The following DCAF17 variants were observed in gnomAD, a reference collection of about 807,000 sequenced individuals.
DCAF17 encodes the protein DDB1- and CUL4-associated factor 17.
In DCAF17, 48 loss-of-function variants were observed where a neutral mutation model predicts 66.0. The observed-to-expected ratio is 0.73, with a 90% CI of 0.58 to 0.92. The LOEUF (loss-of-function observed/expected upper bound fraction) is 0.92, where lower values mean the gene tolerates loss of function less well. Among genes scored for constraint, DCAF17 ranks in the 40% least tolerant of loss-of-function variants. The probability of loss-of-function intolerance (pLI) is 0.00; values close to 1 mark genes in which losing one functional copy is unlikely to be tolerated. For missense variants in DCAF17, 562 were observed against 622.8 expected, an observed-to-expected ratio of 0.90 and a Z score of 1.04; for synonymous variants, 206 against 214.6, an observed-to-expected ratio of 0.96 and a Z score of 0.35.
At chr2:171,480,435 T>C (rs1328408036) in intron 13 of DCAF17, among the ~76,000 whole-genome samples, 4 of 150,746 alleles carry the variant, frequency 2.7e-5, no homozygotes, top group Non-Finnish European at 5.9e-5. Context: ...AGACATGTTG[T>C]CTCTTTCCCT....
chr2:171,457,912 A>G (rs1266612244), intron 6 of DCAF17, 59 bp from the exon 7 acceptor site: 4 of 1,308,016 alleles, frequency 3.1e-6, no homozygotes, highest in South Asian at 2.4e-5. Context: ...CACTGTGAAC[A>G]TTCAGAGGAT....
In DCAF17 at chr2:171,463,224, TA is replaced by T. The variant is rs945893879; in HGVS notation, c.838+4763del. 1.2e-3 allele frequency among the ~76,000 whole-genome samples: 159 copies of T among 137,654 alleles called. 1 individual carries two copies. Among genetic ancestry groups the T allele is most frequent in the Admixed American group, 1.4e-3 (19 of 13,704 alleles). 90.3% of individuals were successfully genotyped at this position (137,654 alleles called of 152,430 possible). The stretch of plus-strand genomic sequence containing the variant: ...CAGCCTGGGCGATGGAGCGAGATTT[TA>T]AAAAAAAAAAAAAAACAGAAAGAAG... On this transcript the variant is annotated intron_variant, in intron 8 of 13. Coordinates refer to ENST00000375255, the MANE Select transcript of DCAF17 (RefSeq NM_025000.4).
chr2:171,447,941 G>A (rs932252184), intron 3 of DCAF17, among the ~76,000 whole-genome samples: 1 of 152,202 alleles, frequency 6.6e-6, no homozygotes, highest in African/African-American at 2.4e-5. Context: ...GGTGACATAG[G>A]TCATCTTTCA....
intron 4 of DCAF17, 35 bp from the exon 5 acceptor site, chr2:171,449,844 C>T (rs1194294422): frequency 1.3e-6 from 2 of 1,546,520 alleles, no homozygotes; most frequent in Admixed American, 1.7e-5. Context: ...GGAAACTGAC[C>T]CAAATAAATA....
At chr2:171,439,199 C>T (rs746225963) in intron 2 of DCAF17, among the ~76,000 whole-genome samples, 4 of 151,930 alleles carry the variant, frequency 2.6e-5, no homozygotes, top group Non-Finnish European at 4.4e-5. Flanking sequence ...AGATTTGGGG[C>T]TTGGTATCTG....
intron 5 of DCAF17, among the ~76,000 whole-genome samples, chr2:171,452,469 T>G (rs1695009476): frequency 6.6e-6 from 1 of 152,136 alleles, no homozygotes; most frequent in Non-Finnish European, 1.5e-5. Context: ...ATATATTTAT[T>G]TATTTAGAGA....
At chr2:171,472,360 G>T (rs1334181210) in intron 9 of DCAF17, among the ~76,000 whole-genome samples, 2 of 152,030 alleles carry the variant, frequency 1.3e-5, no homozygotes, top group Non-Finnish European at 2.9e-5. Context: ...TGTATTTTTA[G>T]TAGAAACAGG....
chr2:171,473,496 A>C (rs7606658), intron 9 of DCAF17, among the ~76,000 whole-genome samples: 32,972 of 152,056 alleles, frequency 0.22, 3,688 homozygotes, highest in South Asian at 0.29. Flanking sequence ...GATTTATTCT[A>C]TTTGTGTATC....
At chr2:171,446,506 A>T (rs950568372) in intron 3 of DCAF17, among the ~76,000 whole-genome samples, 12 of 152,094 alleles carry the variant, frequency 7.9e-5, no homozygotes, top group African/African-American at 2.2e-4. Flanking sequence ...AGATCATGCC[A>T]CTGCACTCCA....
chr2:171,483,760 G>A lies in DCAF17; in HGVS notation c.*2646G>A, dbSNP rs779786259. 4.4e-6 allele frequency: 2 copies of A among 454,024 alleles called. No homozygotes were observed. The highest frequency in any genetic ancestry group is 3.1e-5 in the South Asian group (2 of 64,474). 28.1% of individuals were successfully genotyped at this position (454,024 alleles called of 1,614,324 possible). On this transcript the variant is annotated 3_prime_UTR_variant, in exon 14 of 14. Coordinates refer to ENST00000375255, the MANE Select transcript of DCAF17 (RefSeq NM_025000.4). ...TATTCAGAATAACCACATGAAGTATGAACTGCCATTATCTTTCCCCTTTGT... is the reference window on the plus strand; with the variant it reads ...TATTCAGAATAACCACATGAAGTATAAACTGCCATTATCTTTCCCCTTTGT...
chr2:171,480,031 C>T lies in DCAF17; in HGVS notation c.1267-7C>T, dbSNP rs3731981. The stretch of plus-strand genomic sequence containing the variant: ...CTTTCCCTCTATTTTATCTATCTAT[C>T]CCAAAGACTTTCAAAATTGTGGACT... On this transcript the variant is annotated splice_region_variant and splice_polypyrimidine_tract_variant and intron_variant, in intron 12 of 13. Coordinates refer to ENST00000375255, the MANE Select transcript of DCAF17 (RefSeq NM_025000.4). 333,691 of 1,612,156 alleles carry T rather than the reference C, an allele frequency of 0.21. 36,121 individuals are homozygous for T. Among genetic ancestry groups the T allele is most frequent in the Admixed American group, 0.33 (19,718 of 59,938 alleles).
rs779206254 is a variant in DCAF17 at position 171,481,511 on chromosome 2, C to G, written c.*397C>G. 5 of 455,270 alleles carry G rather than the reference C, an allele frequency of 1.1e-5. 2 individuals carry two copies. The highest frequency in any genetic ancestry group is 7.8e-5 in the South Asian group (5 of 64,498). 28.2% of individuals were successfully genotyped at this position (455,270 alleles called of 1,614,324 possible). A position where few individuals can be genotyped will look rare whatever the true frequency, so the allele number is the denominator to read the frequency against. ...TAAGGCTAGGAAAGACAGGGAGAGA[C>G]AAAAGTAAACATGCAGAAAGAAATC... is the stretch of plus-strand genomic sequence containing the variant. On this transcript the variant is annotated 3_prime_UTR_variant, in exon 14 of 14. Coordinates refer to ENST00000375255, the MANE Select transcript of DCAF17 (RefSeq NM_025000.4).
Position 171,434,408 on chromosome 2 carries a change from C to G in DCAF17, c.-170C>G. The stretch of plus-strand genomic sequence containing the variant: ...GGCGGTGCAAGCGGCTCTGCTTTCC[C>G]TCGCCCCGCCGTCGGGTGCTCCCTG... On this transcript the variant is annotated 5_prime_UTR_variant, in exon 1 of 14. Coordinates refer to ENST00000375255, the MANE Select transcript of DCAF17 (RefSeq NM_025000.4). 10 of 1,199,792 alleles carry G rather than the reference C, an allele frequency of 8.3e-6. No homozygotes were observed. The highest frequency in any genetic ancestry group is 1.2e-5 in the Non-Finnish European group (10 of 845,764). The allele number at this position is 1,199,792 out of a possible 1,614,324, so 74.3% of individuals were successfully genotyped here.
Position 171,481,931 on chromosome 2 carries a change from A to C in DCAF17, c.*817A>C, listed in dbSNP as rs1305520893. On this transcript the variant is annotated 3_prime_UTR_variant, in exon 14 of 14. Coordinates refer to ENST00000375255, the MANE Select transcript of DCAF17 (RefSeq NM_025000.4). ...TTAGGCAATATTTGCATACTTATGC[A>C]ATAAGATAAAGGTACCCTTGCCTGC... 6.6e-6 allele frequency: 3 copies of C among 453,928 alleles called. No individual in the cohort carries two copies. The highest frequency in any genetic ancestry group is 3.1e-5 in the South Asian group (2 of 64,478). The allele number at this position is 453,928 out of a possible 1,614,324, so 28.1% of individuals were successfully genotyped here. A position where few individuals can be genotyped will look rare whatever the true frequency, so the allele number is the denominator to read the frequency against.
At chr2:171,436,940 A>G (rs1694007950) in intron 2 of DCAF17, among the ~76,000 whole-genome samples, 1 of 151,744 alleles carries the variant, frequency 6.6e-6, no homozygotes, top group Non-Finnish European at 1.5e-5. Context: ...ACGCCTGGCT[A>G]ATTTTGTATT....
intron 9 of DCAF17, 91 bp downstream of exon 9, chr2:171,469,121 T>C: frequency 2.8e-6 from 4 of 1,421,202 alleles, no homozygotes; most frequent in Middle Eastern, 2.0e-4. Context: ...TAAGAATTAC[T>C]TTTTTGTGCA....
chr2:171,464,893 A>C (rs1695805579), intron 8 of DCAF17, among the ~76,000 whole-genome samples: 1 of 152,102 alleles, frequency 6.6e-6, no homozygotes, highest in African/African-American at 2.4e-5. Context: ...TACCAGTGTT[A>C]CTACTAAGAA....
At position 171,477,661 on chromosome 2, in the gene DCAF17, G is replaced by A. The variant is rs889581214; in HGVS notation, c.1183-326G>A. ...TAGAAAATTAGCCAGGCATGGTGGT[G>A]TATGCCTGTAGCCCCAGCTACTGGG... On this transcript the variant is annotated intron_variant, in intron 11 of 13. Coordinates refer to ENST00000375255, the MANE Select transcript of DCAF17 (RefSeq NM_025000.4). Among the ~76,000 whole-genome samples, 3 of 152,140 alleles carry A rather than the reference G, an allele frequency of 2.0e-5. No individual in the cohort carries two copies. The East Asian group carries it at 5.8e-4, about 29-fold the overall frequency.
At chr2:171,473,205 A>T (rs1696339799) in intron 9 of DCAF17, among the ~76,000 whole-genome samples, 1 of 152,132 alleles carries the variant, frequency 6.6e-6, no homozygotes, top group African/African-American at 2.4e-5. Context: ...GGGGATAGGG[A>T]AGAGAGGAAG....
Sources: allele counts gnomAD v4.1 joint callset (sites outside exome capture counted in the v4.1 genomes callset), GRCh38; gene constraint gnomAD v4.1.1; transcripts MANE v1.5; gene names NCBI Gene and HGNC (gene_info 2026-07-23, HGNC 2026-07-21).